Variants in OPCML observed in about 807,000 individuals in gnomAD.
OPCML encodes the protein opioid binding protein/cell adhesion molecule like, also known as opioid-binding protein/cell adhesion molecule.
Under a neutral mutation model 37.8 loss-of-function variants are expected in OPCML, and 13 were observed. The observed-to-expected ratio is 0.34, with a 90% CI of 0.22 to 0.55. The LOEUF (loss-of-function observed/expected upper bound fraction) is 0.55. OPCML is among the 20% of genes least tolerant of loss of function. The pLI is 0.91. For synonymous variants in OPCML, 176 were observed against 168.8 expected (o/e 1.04, Z -0.33); for missense variants, 341 against 435.6 (o/e 0.78, Z 1.93).
At chr11:132,639,477 C>T (rs1386773613) in intron 3 of OPCML, among the ~76,000 whole-genome samples, 1 of 152,206 alleles carries the variant, frequency 6.6e-6, no homozygotes, top group African/African-American at 2.4e-5. Context: ...CCATAAATCG[C>T]ACTTATGCTT....
intron 2 of OPCML, among the ~76,000 whole-genome samples, chr11:132,690,328 A>G (rs1408939152): frequency 6.6e-6 from 1 of 152,202 alleles, no homozygotes; most frequent in Non-Finnish European, 1.5e-5. Flanking sequence ...GAGCTTTTGA[A>G]TCAGTATAGC....
chr11:133,086,201 ATTTTC>A (rs1948816700), intron 1 of OPCML, among the ~76,000 whole-genome samples: 1 of 152,198 alleles, frequency 6.6e-6, no homozygotes, highest in South Asian at 2.1e-4. Flanking sequence ...ACACATTTTC[ATTTTC>A]TAAATCTGGA....
intron 2 of OPCML, among the ~76,000 whole-genome samples, chr11:132,858,711 T>C (rs1194013094): frequency 5.9e-5 from 9 of 152,216 alleles, no homozygotes; most frequent in African/African-American, 2.2e-4. Context: ...GAATTCTCCT[T>C]ATATTAATCA....
chr11:132,903,458 C>T (rs906223566), intron 2 of OPCML, among the ~76,000 whole-genome samples: 2 of 152,132 alleles, frequency 1.3e-5, no homozygotes, highest in African/African-American at 4.8e-5. Flanking sequence ...CTGAATGGAA[C>T]CCTTCTCTCA....
intron 2 of OPCML, among the ~76,000 whole-genome samples, chr11:132,713,481 A>T (rs1944349439): frequency 1.3e-5 from 2 of 152,242 alleles, no homozygotes; most frequent in South Asian, 4.1e-4. Context: ...GACCTCAAGT[A>T]CAGCATTCAT....
At chr11:132,868,421 G>C (rs1388184037) in intron 2 of OPCML, among the ~76,000 whole-genome samples, 1 of 150,892 alleles carries the variant, frequency 6.6e-6, no homozygotes, top group Non-Finnish European at 1.5e-5. Flanking sequence ...ACCCTGAACA[G>C]TGTCAGCCCT....
chr11:133,260,091 C>A (rs1207359477), intron 1 of OPCML, among the ~76,000 whole-genome samples: 2 of 151,178 alleles, frequency 1.3e-5, no homozygotes, highest in Non-Finnish European at 2.9e-5. Context: ...GCAATGACCC[C>A]CAAAATATAG....
At chr11:133,012,815 C>T (rs1021605822) in intron 1 of OPCML, among the ~76,000 whole-genome samples, 5 of 144,038 alleles carry the variant, frequency 3.5e-5, no homozygotes, top group African/African-American at 5.1e-5. Context: ...GTGGAGGTTG[C>T]GGCGAGATCG....
intron 1 of OPCML, among the ~76,000 whole-genome samples, chr11:133,073,070 A>T (rs7106889): frequency 6.6e-6 from 1 of 152,016 alleles, no homozygotes; most frequent in Non-Finnish European, 1.5e-5. Flanking sequence ...TCAGTCCTGA[A>T]CAGCCTTCTG....
At chr11:133,118,235 A>T in intron 1 of OPCML, 1 of 985,382 alleles carries the variant, frequency 1.0e-6, no homozygotes, top group Non-Finnish European at 1.2e-6. Context: ...CTACTGACAT[A>T]GCTGGGATAT....
intron 2 of OPCML, among the ~76,000 whole-genome samples, chr11:132,747,942 G>A (rs752594453): frequency 2.0e-5 from 3 of 152,000 alleles, no homozygotes; most frequent in Admixed American, 6.6e-5. Flanking sequence ...ATATTTTAAC[G>A]GATTGAGTAA....
chr11:132,661,166 G>T lies in OPCML; in HGVS notation c.147-3847C>A, dbSNP rs371242742. On this transcript the variant is annotated intron_variant, in intron 2 of 7. Coordinates refer to ENST00000524381, the MANE Select transcript of OPCML (RefSeq NM_001012393.5). ...GTGTCCCTTGGGTAATCCTCTCCCT[G>T]GTGAGTAGCCATGATCCGGTGTACT... Among the ~76,000 whole-genome samples, 42 of 152,164 alleles carry T rather than the reference G, an allele frequency of 2.8e-4. 1 individual carries two copies. Among genetic ancestry groups the T allele is most frequent in the African/African-American group, 9.6e-4 (40 of 41,512 alleles).
At chr11:132,910,152 C>G (rs1944377974) in intron 2 of OPCML, among the ~76,000 whole-genome samples, 1 of 152,190 alleles carries the variant, frequency 6.6e-6, no homozygotes, top group East Asian at 1.9e-4. Flanking sequence ...TCAATAAGCT[C>G]GTTTCACTGC....
chr11:133,317,574 G>T (rs1394055550), intron 1 of OPCML, among the ~76,000 whole-genome samples: 1 of 152,194 alleles, frequency 6.6e-6, no homozygotes, highest in Non-Finnish European at 1.5e-5. Context: ...AGAAGTTGTT[G>T]TCGTAGTAGT....
intron 1 of OPCML, among the ~76,000 whole-genome samples, chr11:132,977,553 A>AT (rs1231776035): frequency 2.6e-5 from 4 of 152,226 alleles, no homozygotes; most frequent in East Asian, 3.9e-4. Context: ...ATGTGGCCAT[A>AT]TTTTTTTCAT....
chr11:133,060,190 TTCTCCC>T (rs995297273), intron 1 of OPCML, among the ~76,000 whole-genome samples: 4 of 146,158 alleles, frequency 2.7e-5, no homozygotes, highest in Non-Finnish European at 4.5e-5. Context: ...CTCCCTCTCC[TTCTCCC>T]TCTCCCTCTC....
chr11:133,228,142 T>C (rs944032485), intron 1 of OPCML, among the ~76,000 whole-genome samples: 1 of 152,224 alleles, frequency 6.6e-6, no homozygotes, highest in Non-Finnish European at 1.5e-5. Flanking sequence ...CAGAGACTGC[T>C]ATGCTGGGCA....
At chr11:132,652,602 C>A (rs189392120) in intron 3 of OPCML, among the ~76,000 whole-genome samples, 3 of 152,190 alleles carry the variant, frequency 2.0e-5, no homozygotes, top group South Asian at 4.1e-4. Flanking sequence ...ATGGAGATAA[C>A]GGTCACTGCA....
chr11:132,959,950 C>G (rs1489990579), intron 1 of OPCML, among the ~76,000 whole-genome samples: 1 of 152,102 alleles, frequency 6.6e-6, no homozygotes, highest in African/African-American at 2.4e-5. Context: ...TGTTACGGGG[C>G]AAAACTCCAA....
Sources: gnomAD v4.1 joint callset for allele counts (sites outside exome capture counted in the v4.1 genomes callset) on GRCh38, gnomAD v4.1.1 for gene constraint, MANE v1.5 for transcripts, NCBI Gene and HGNC (gene_info 2026-07-23, HGNC 2026-07-21) for gene names.